PSMD14: variants seen among roughly 807,000 people sequenced by gnomAD.
PSMD14 encodes the protein proteasome 26S subunit, non-ATPase 14.
Under a neutral mutation model 41.2 loss-of-function variants are expected in PSMD14, and 7 were observed. The ratio of observed to expected loss-of-function variants is 0.17; its 90% CI spans 0.10 to 0.32. The LOEUF is 0.32. PSMD14 is among the 10% of genes least tolerant of loss of function. The probability of loss-of-function intolerance (pLI) is 1.00; values close to 1 mark genes in which losing one functional copy is unlikely to be tolerated. For missense variants in PSMD14, 139 were observed against 375.6 expected (o/e 0.37, Z 5.21); for synonymous variants, 114 against 122.3 (o/e 0.93, Z 0.45).
At chr2:161,366,015 C>G (rs1217020305) in intron 3 of PSMD14, among the ~76,000 whole-genome samples, 2 of 152,120 alleles carry the variant, frequency 1.3e-5, no homozygotes, top group Non-Finnish European at 2.9e-5. Context: ...TCTTAACTTT[C>G]TAAGTGAAAT....
At chr2:161,354,017 G>A (rs1012678188) in intron 3 of PSMD14, among the ~76,000 whole-genome samples, 6 of 151,968 alleles carry the variant, frequency 3.9e-5, no homozygotes, top group South Asian at 2.1e-4. Flanking sequence ...TAGTACCATA[G>A]CTGAACAGTA....
intron 3 of PSMD14, among the ~76,000 whole-genome samples, chr2:161,366,257 C>G (rs1296503238): frequency 2.0e-5 from 3 of 151,866 alleles, no homozygotes; most frequent in Non-Finnish European, 4.4e-5. Flanking sequence ...TTGATTTTTC[C>G]CACCACTTTG....
At chr2:161,342,349 G>T (rs1434370142) in intron 3 of PSMD14, among the ~76,000 whole-genome samples, 3 of 151,674 alleles carry the variant, frequency 2.0e-5, no homozygotes, top group Non-Finnish European at 4.4e-5. Flanking sequence ...TTTTTTATCA[G>T]AAGTGGATCT....
At chr2:161,377,509 T>G (rs1026277808) in intron 7 of PSMD14, among the ~76,000 whole-genome samples, 9 of 151,900 alleles carry the variant, frequency 5.9e-5, no homozygotes, top group African/African-American at 2.2e-4. Context: ...CATGTAATAG[T>G]TTATCACATT....
intron 10 of PSMD14, 51 bp from the exon 11 acceptor site, chr2:161,408,786 G>T (rs772460256): frequency 1.4e-5 from 20 of 1,394,126 alleles, no homozygotes; most frequent in Non-Finnish European, 2.0e-5. Flanking sequence ...TCCTGCAGTG[G>T]GAATAGAGGA....
At chr2:161,411,215 GT>G in intron 11 of PSMD14, 86 bp from the exon 12 acceptor site, 2 of 725,074 alleles carry the variant, frequency 2.8e-6, no homozygotes, top group African/African-American at 3.7e-5. Context: ...TTCTTTACTA[GT>G]TTCATCAGCT....
intron 3 of PSMD14, among the ~76,000 whole-genome samples, chr2:161,355,166 A>G (rs764671492): frequency 2.5e-4 from 38 of 152,212 alleles, no homozygotes; most frequent in Non-Finnish European, 4.7e-4. Context: ...TCAAATTTTT[A>G]ATAAAGAAAT....
At chr2:161,404,315 G>A (rs1310203144) in intron 10 of PSMD14, among the ~76,000 whole-genome samples, 2 of 152,046 alleles carry the variant, frequency 1.3e-5, no homozygotes, top group African/African-American at 4.8e-5. Flanking sequence ...AATGGTAGAT[G>A]CTCAATAAGT....
At chr2:161,340,342 C>T (rs1361229901) in intron 3 of PSMD14, among the ~76,000 whole-genome samples, 1 of 152,132 alleles carries the variant, frequency 6.6e-6, no homozygotes, top group African/African-American at 2.4e-5. Context: ...ACCACCCTGA[C>T]GGAGCTGGTG....
At chr2:161,326,259 G>A (rs571292660) in intron 3 of PSMD14, among the ~76,000 whole-genome samples, 19 of 152,202 alleles carry the variant, frequency 1.2e-4, no homozygotes, top group African/African-American at 4.6e-4. Flanking sequence ...TCGAACTTCT[G>A]ACCTCAATTG....
At chr2:161,375,244 AGT>A (rs1683487678) in intron 7 of PSMD14, among the ~76,000 whole-genome samples, 1 of 152,032 alleles carries the variant, frequency 6.6e-6, no homozygotes, top group African/African-American at 2.4e-5. Flanking sequence ...ATTTAGTGTT[AGT>A]AGTGAGCAAG....
intron 10 of PSMD14, among the ~76,000 whole-genome samples, chr2:161,404,538 G>C (rs1300564413): frequency 6.6e-6 from 1 of 151,990 alleles, no homozygotes. Flanking sequence ...CCTTCCTTGA[G>C]GCTAACTGGA....
chr2:161,398,606 T>C (rs556641895), intron 10 of PSMD14, among the ~76,000 whole-genome samples: 63 of 152,034 alleles, frequency 4.1e-4, no homozygotes, highest in Non-Finnish European at 8.1e-4. Flanking sequence ...AAAAATGAAT[T>C]GTGAAGAACA....
chr2:161,360,511 T>C (rs964894353), intron 3 of PSMD14, among the ~76,000 whole-genome samples: 1 of 151,876 alleles, frequency 6.6e-6, no homozygotes, highest in Non-Finnish European at 1.5e-5. Flanking sequence ...CCCGCCACCA[T>C]GCCTGGCTAA....
chr2:161,368,496 G>A (rs1683389301), intron 5 of PSMD14, among the ~76,000 whole-genome samples: 1 of 151,914 alleles, frequency 6.6e-6, no homozygotes, highest in Admixed American at 6.6e-5. Flanking sequence ...ATTCTTTCTA[G>A]AGATGTTTGT....
chr2:161,372,261 T>C (rs991601766), intron 7 of PSMD14, among the ~76,000 whole-genome samples: 7 of 152,150 alleles, frequency 4.6e-5, no homozygotes, highest in African/African-American at 9.6e-5. Flanking sequence ...ATGCAATCCT[T>C]TTTATGCAGG....
intron 3 of PSMD14, among the ~76,000 whole-genome samples, chr2:161,327,551 T>G (rs1401939117): frequency 6.6e-6 from 1 of 152,078 alleles, no homozygotes; most frequent in Non-Finnish European, 1.5e-5. Context: ...GGGCAGAAAT[T>G]TTTATGTCTT....
At chr2:161,346,163 G>A (rs563560095) in intron 3 of PSMD14, among the ~76,000 whole-genome samples, 6 of 152,310 alleles carry the variant, frequency 3.9e-5, no homozygotes, top group South Asian at 2.1e-4. Context: ...GATTATAGGC[G>A]TGAGCCACCG....
intron 3 of PSMD14, among the ~76,000 whole-genome samples, chr2:161,346,557 T>C (rs1325450032): frequency 6.7e-6 from 1 of 150,018 alleles, no homozygotes; most frequent in African/African-American, 2.5e-5. Flanking sequence ...TGTTTCACAT[T>C]GTGAGTCTTA....
Sources: allele counts gnomAD v4.1 joint callset (sites outside exome capture counted in the v4.1 genomes callset), GRCh38; gene constraint gnomAD v4.1.1; transcripts MANE v1.5; gene names NCBI Gene and HGNC (gene_info 2026-07-23, HGNC 2026-07-21).